RYR1: variants seen among roughly 807,000 people sequenced by gnomAD.
The protein encoded by RYR1 is central core disease of muscle.
RYR1 carries 342 observed loss-of-function variants against 583.5 expected under a neutral mutation model. That is an observed-to-expected ratio of 0.59 (90% CI 0.54 to 0.64). The LOEUF (loss-of-function observed/expected upper bound fraction) is 0.64. Ranked by LOEUF, RYR1 falls within the 30% of genes least tolerant of loss-of-function variation. The probability of loss-of-function intolerance (pLI) is 0.00; values close to 1 mark genes in which losing one functional copy is unlikely to be tolerated. For missense variants in RYR1, 6,032 were observed against 6,917.2 expected, an observed-to-expected ratio of 0.87 and a Z score of 4.54; for synonymous variants, 2,791 against 2,822.5, an observed-to-expected ratio of 0.99 and a Z score of 0.35.
intron 2 of RYR1, among the ~76,000 whole-genome samples, chr19:38,441,747 G>T (rs548060502): frequency 3.7e-4 from 56 of 151,854 alleles, no homozygotes; most frequent in African/African-American, 1.3e-3. Flanking sequence ...TGGGGGGGAA[G>T]TTTCAGAGTC....
At chr19:38,519,605 T>C in intron 67 of RYR1, 151 bp downstream of exon 67, 1 of 913,774 alleles carries the variant, frequency 1.1e-6, no homozygotes. Flanking sequence ...TTCTTCTGGC[T>C]TTGAGCACAT....
At chr19:38,514,269 A>G (rs1323124692) in intron 63 of RYR1, among the ~76,000 whole-genome samples, 1 of 146,926 alleles carries the variant, frequency 6.8e-6, no homozygotes, top group Admixed American at 7.0e-5. Context: ...ATCTCTAAAA[A>G]AATTTTTTTT....
intron 1 of RYR1, among the ~76,000 whole-genome samples, chr19:38,436,770 G>A (rs1174709983): frequency 6.6e-6 from 1 of 152,074 alleles, no homozygotes; most frequent in Admixed American, 6.5e-5. Context: ...TGATGGGCAC[G>A]CTGTGATTTT....
At chr19:38,557,977 C>T (rs1734536701) in intron 89 of RYR1, among the ~76,000 whole-genome samples, 1 of 151,606 alleles carries the variant, frequency 6.6e-6, no homozygotes, top group Admixed American at 6.6e-5. Flanking sequence ...GAGACTCTCT[C>T]AAAAATAAAA....
At chr19:38,526,639 GA>G (rs1359731409) in intron 71 of RYR1, among the ~76,000 whole-genome samples, 1 of 145,018 alleles carries the variant, frequency 6.9e-6, no homozygotes, top group Non-Finnish European at 1.5e-5. Flanking sequence ...GACCTCTGCT[GA>G]CCCCTTCTGA....
rs545965088 is a variant in RYR1 at position 38,586,250 on chromosome 19, G to A, written c.14969+59G>A. On this transcript the variant is annotated intron_variant, in intron 104 of 105. Transcript: ENST00000359596. ...GGGGCATGGCTGCCAATAGCCAGCA[G>A]TGGGGTACTTAGCTTTGGCCAGTTA... The A allele has an allele frequency of 2.7e-6, 4 of 1,476,546 alleles. No individual in the cohort carries two copies. In the African/African-American group the frequency reaches 4.2e-5, roughly 15 times the overall value. 91.5% of individuals were successfully genotyped at this position (1,476,546 alleles called of 1,614,324 possible). A position where few individuals can be genotyped will look rare whatever the true frequency, so the allele number is the denominator to read the frequency against.
rs369123879 is a variant in RYR1 at position 38,543,749 on chromosome 19, C to A, written c.11908-22C>A. The A allele has an allele frequency of 3.1e-5, 50 of 1,611,778 alleles. No homozygotes were observed. The highest frequency in any genetic ancestry group is 2.3e-4 in the African/African-American group (17 of 75,048). On this transcript the variant is annotated intron_variant, in intron 86 of 105. Transcript: ENST00000359596. This position sits in a 1 kb window ranked among gnomAD's most constrained non-coding sequence, Gnocchi z 4.4. Reference sequence around the variant, plus strand: ...CCTTCTCGGGGATTCCCTTCCCCCCCACACGGCACTCTGCCTCCCAGGGTC... The same window carrying A: ...CCTTCTCGGGGATTCCCTTCCCCCCAACACGGCACTCTGCCTCCCAGGGTC...
Position 38,444,766 on chromosome 19 carries a change from G to A in RYR1, c.631+89G>A, listed in dbSNP as rs1972859728. On this transcript the variant is annotated intron_variant, in intron 7 of 105. Transcript: ENST00000359596. This position sits in a 1 kb window ranked among gnomAD's most constrained non-coding sequence, Gnocchi z 5.1. The stretch of plus-strand genomic sequence containing the variant: ...TCAGGCATACCCAAATGGAGCCTTG[G>A]AACCTCAGACCTCAAACCTAGATCT... The A allele has an allele frequency of 6.8e-6, 7 of 1,022,312 alleles. No homozygotes were observed. The highest frequency in any genetic ancestry group is 1.1e-5 in the Non-Finnish European group (7 of 664,796). The allele number at this position is 1,022,312 out of a possible 1,614,324, so 63.3% of individuals were successfully genotyped here.
intron 25 of RYR1, 173 bp downstream of exon 25, chr19:38,467,985 TC>T: frequency 1.5e-6 from 1 of 647,492 alleles, no homozygotes; most frequent in Non-Finnish European, 2.8e-6. Context: ...CATCCATCCA[TC>T]CATCGATCTA....
At chr19:38,528,136 C>G (rs1278617491) in intron 73 of RYR1, 170 bp from the exon 74 acceptor site, 2 of 685,728 alleles carry the variant, frequency 2.9e-6, no homozygotes, top group South Asian at 3.3e-5. Flanking sequence ...AAACTTAGGT[C>G]TGGAGGCGGA....
chr19:38,466,140 G>T lies in RYR1; in HGVS notation c.2920G>T (p.Val974Leu). ...GCCGGCTCCGCTGGACCTGAGCCAC[G>T]TGCGGCTGACGCCGGCGCAGACGAC... is the stretch of plus-strand genomic sequence containing the variant. ...YKPAPLDLSH[V>L]RLTPAQTTLV... Residue 974 changes from valine to leucine, a missense_variant, in exon 24 of 106, where the codon GTG becomes TTG. Val to Leu is a conservative substitution (Grantham distance 32). Coordinates refer to ENST00000359596, the MANE Select transcript of RYR1 (RefSeq NM_000540.3). 3.7e-6 allele frequency: 6 copies of T among 1,613,316 alleles called. No individual in the cohort carries two copies. Among genetic ancestry groups the T allele is most frequent in the African/African-American group, 1.3e-5 (1 of 75,050 alleles).
intron 105 of RYR1, among the ~76,000 whole-genome samples, chr19:38,587,007 G>A (rs540286824): frequency 1.8e-4 from 27 of 152,118 alleles, no homozygotes; most frequent in Admixed American, 1.4e-3. Context: ...CCTGGCTCAC[G>A]CCTGCAATCC....
rs193922860 is a variant in RYR1 at position 38,572,206 on chromosome 19, G to A, written c.13934G>A (p.Arg4645Gln). ...ACAGGCTACATGGAACCCGCCCTGC[G>A]GTGTCTGAGCCTCCTGCATACACTG... is the stretch of plus-strand genomic sequence containing the variant. The part of the protein sequence containing the change: ...ESTGYMEPAL[R>Q]CLSLLHTLVA... The change falls in exon 95 of 106, where the codon CGG becomes CAG. Residue 4645 changes from arginine (R) to glutamine (Q), a missense_variant. By Grantham distance (43) the Arg-to-Gln change is conservative. Coordinates refer to ENST00000359596, the MANE Select transcript of RYR1 (RefSeq NM_000540.3). The A allele has an allele frequency of 2.4e-4, 382 of 1,613,984 alleles. 1 individual carries two copies. In the East Asian group the frequency reaches 7.6e-3, roughly 32 times the overall value.
intron 76 of RYR1, among the ~76,000 whole-genome samples, 191 bp from the exon 77 acceptor site, chr19:38,532,299 T>A (rs1210215790): frequency 2.0e-5 from 3 of 152,120 alleles, no homozygotes; most frequent in Admixed American, 1.3e-4. Flanking sequence ...TTTTTTGTAC[T>A]TTTAGTAGAG....
At chr19:38,438,616 CTTT>C (rs71165544) in intron 1 of RYR1, among the ~76,000 whole-genome samples, 2 of 93,964 alleles carry the variant, frequency 2.1e-5, no homozygotes, top group East Asian at 3.8e-4. Flanking sequence ...CCAGGCTAGT[CTTT>C]TTTTTTTTTT....
chr19:38,546,306 T>A, intron 87 of RYR1, 139 bp from the exon 88 acceptor site: 1 of 694,932 alleles, frequency 1.4e-6, no homozygotes. Context: ...CCGAGGAACA[T>A]GTCTGGACTC....
At chr19:38,447,841 TAA>T (rs55754306) in intron 9 of RYR1, among the ~76,000 whole-genome samples, 25,353 of 137,334 alleles carry the variant, frequency 0.18, 3,158 homozygotes, top group African/African-American at 0.36. Flanking sequence ...GGCCCTGCCT[TAA>T]AAAAAAAAAA....
chr19:38,499,499 G>A lies in RYR1; in HGVS notation c.7028-136G>A, dbSNP rs946856986. The A allele has an allele frequency of 4.7e-6, 5 of 1,068,012 alleles. No individual in the cohort carries two copies. The highest frequency in any genetic ancestry group is 5.4e-6 in the Non-Finnish European group (4 of 740,570). 66.2% of individuals were successfully genotyped at this position (1,068,012 alleles called of 1,614,324 possible). ...GGGTCCTGGGGCTGGCAGGGGCCTG[G>A]TGTTACCTCTGGAGGTGTTGGGTCC... On this transcript the variant is annotated intron_variant, in intron 43 of 105. Coordinates refer to ENST00000359596, the MANE Select transcript of RYR1 (RefSeq NM_000540.3). The surrounding 1 kb of genome is among the most constrained non-coding windows in gnomAD (Gnocchi z 7.3).
Position 38,483,583 on chromosome 19 carries a change from T to C in RYR1, c.4934+67T>C. On this transcript the variant is annotated intron_variant, in intron 33 of 105. Coordinates refer to ENST00000359596, the MANE Select transcript of RYR1 (RefSeq NM_000540.3). This position sits in a 1 kb window ranked among gnomAD's most constrained non-coding sequence, Gnocchi z 6.3. ...AAGCCCTCTGGGGTCTGGGTCCCACTCAGTGCCCCTCCTCAACACAACCCC... is the reference window on the plus strand; with the variant it reads ...AAGCCCTCTGGGGTCTGGGTCCCACCCAGTGCCCCTCCTCAACACAACCCC... 7.3e-7 allele frequency: 1 copy of C among 1,360,784 alleles called. No individual in the cohort carries two copies. Among genetic ancestry groups the C allele is most frequent in the Non-Finnish European group, 1.0e-6 (1 of 989,394 alleles). 84.3% of individuals were successfully genotyped at this position (1,360,784 alleles called of 1,614,324 possible).
Sources: gnomAD v4.1 joint callset for allele counts (sites outside exome capture counted in the v4.1 genomes callset) on GRCh38, gnomAD v4.1.1 for gene constraint, Gnocchi (gnomAD v3.1) non-coding constraint, MANE v1.5 for transcripts, NCBI Gene and HGNC (gene_info 2026-07-23, HGNC 2026-07-21) for gene names.